UBE2E2: variants seen among roughly 807,000 people sequenced by gnomAD.
The protein encoded by UBE2E2 is ubiquitin-conjugating enzyme E2 E2.
Under a neutral mutation model 24.7 loss-of-function variants are expected in UBE2E2, and 6 were observed. The ratio of observed to expected loss-of-function variants is 0.24; its 90% CI spans 0.13 to 0.48. UBE2E2 has a LOEUF of 0.48. Among genes scored for constraint, UBE2E2 ranks in the 20% least tolerant of loss-of-function variants. The pLI is 0.99. For missense variants in UBE2E2, 169 were observed against 245.0 expected, an observed-to-expected ratio of 0.69 and a Z score of 2.07; for synonymous variants, 104 against 83.6, an observed-to-expected ratio of 1.24 and a Z score of -1.33.
At chr3:23,459,212 G>A (rs562703420) in intron 3 of UBE2E2, among the ~76,000 whole-genome samples, 1 of 152,248 alleles carries the variant, frequency 6.6e-6, no homozygotes, top group Middle Eastern at 3.4e-3. Context: ...TTCTATAAGG[G>A]CTACCCTTTG....
intron 3 of UBE2E2, among the ~76,000 whole-genome samples, chr3:23,372,855 G>T (rs200777075): frequency 6.6e-6 from 1 of 152,108 alleles, no homozygotes; most frequent in South Asian, 2.1e-4. Flanking sequence ...TGTTGTGCTT[G>T]TAGCTAGCCA....
At chr3:23,367,568 C>T (rs910521412) in intron 3 of UBE2E2, among the ~76,000 whole-genome samples, 2 of 152,108 alleles carry the variant, frequency 1.3e-5, no homozygotes, top group Admixed American at 1.3e-4. Context: ...TGTGCCCCTT[C>T]CCCCCATACC....
At chr3:23,239,980 T>A (rs1179550018) in intron 3 of UBE2E2, among the ~76,000 whole-genome samples, 1 of 152,202 alleles carries the variant, frequency 6.6e-6, no homozygotes, top group Non-Finnish European at 1.5e-5. Flanking sequence ...TTTTGAGGCA[T>A]GTAGGGCTCT....
intron 3 of UBE2E2, among the ~76,000 whole-genome samples, chr3:23,349,273 C>G (rs1476434626): frequency 6.6e-6 from 1 of 152,202 alleles, no homozygotes; most frequent in Non-Finnish European, 1.5e-5. Context: ...CGAATAGGAA[C>G]AGCTCCAGTC....
chr3:23,514,441 GA>G (rs1694680963), intron 4 of UBE2E2, among the ~76,000 whole-genome samples: 1 of 152,078 alleles, frequency 6.6e-6, no homozygotes, highest in Non-Finnish European at 1.5e-5. Flanking sequence ...TTGTAGTACT[GA>G]AATATTGTGC....
chr3:23,257,664 G>A (rs1319290275), intron 3 of UBE2E2, among the ~76,000 whole-genome samples: 8 of 150,558 alleles, frequency 5.3e-5, no homozygotes, highest in Admixed American at 1.3e-4. Flanking sequence ...GGCCACCATG[G>A]CTGGTTTTAC....
At chr3:23,347,268 G>T (rs1414833230) in intron 3 of UBE2E2, among the ~76,000 whole-genome samples, 2 of 152,146 alleles carry the variant, frequency 1.3e-5, no homozygotes, top group African/African-American at 4.8e-5. Context: ...GTTTATTGTG[G>T]CACTATTCGC....
intron 5 of UBE2E2, among the ~76,000 whole-genome samples, chr3:23,540,996 A>T (rs945365033): frequency 8.5e-5 from 13 of 152,252 alleles, no homozygotes; most frequent in African/African-American, 2.9e-4. Flanking sequence ...ATTTGAAATT[A>T]AAATAATGCA....
chr3:23,230,238 T>G (rs1696937818), intron 3 of UBE2E2, among the ~76,000 whole-genome samples: 1 of 152,182 alleles, frequency 6.6e-6, no homozygotes, highest in South Asian at 2.1e-4. Flanking sequence ...ATGATTGTTT[T>G]TAATACAGAC....
intron 5 of UBE2E2, among the ~76,000 whole-genome samples, chr3:23,582,860 A>AGT (rs58053821): frequency 0.07 from 8,116 of 116,712 alleles, 234 homozygotes; most frequent in African/African-American, 0.078. Flanking sequence ...TATTCTGTTG[A>AGT]GTGTGTGTGT....
intron 5 of UBE2E2, among the ~76,000 whole-genome samples, chr3:23,559,311 T>A (rs925802592): frequency 7.2e-5 from 11 of 152,270 alleles, no homozygotes; most frequent in Non-Finnish European, 1.3e-4. Context: ...AATCTCAAAG[T>A]GTCACTGGGC....
At chr3:23,525,580 G>A (rs1694976051) in intron 4 of UBE2E2, among the ~76,000 whole-genome samples, 1 of 152,212 alleles carries the variant, frequency 6.6e-6, no homozygotes. Flanking sequence ...ATTGAGAAAA[G>A]GTGGCTACCA....
chr3:23,563,167 G>A (rs1448981629), intron 5 of UBE2E2, among the ~76,000 whole-genome samples: 5 of 152,156 alleles, frequency 3.3e-5, no homozygotes, highest in Non-Finnish European at 7.3e-5. Context: ...ATGTTAGGGT[G>A]TCAATTTTAG....
intron 3 of UBE2E2, among the ~76,000 whole-genome samples, chr3:23,459,493 A>C (rs1698760869): frequency 6.6e-6 from 1 of 152,234 alleles, no homozygotes; most frequent in Non-Finnish European, 1.5e-5. Flanking sequence ...GTGAGTAGTA[A>C]CAGGACCATA....
In UBE2E2 at chr3:23,474,996, A is replaced by G. The variant is rs766979959; in HGVS notation, c.228-24612A>G. 6.6e-6 allele frequency among the ~76,000 whole-genome samples: 1 copy of G among 152,110 alleles called. No individual in the cohort carries two copies. The highest frequency in any genetic ancestry group is 1.9e-4 in the East Asian group (1 of 5,196). On this transcript the variant is annotated intron_variant, in intron 3 of 5. Coordinates refer to ENST00000396703, the MANE Select transcript of UBE2E2 (RefSeq NM_152653.4). The surrounding 1 kb of genome is among the most constrained non-coding windows in gnomAD (Gnocchi z 4.0). ...CAAAGTCACCAACTGCATTTTGCTG[A>G]AAGTGATAGAACTTTCTCCATGTTT...
At chr3:23,281,644 AAAG>A (rs957269429) in intron 3 of UBE2E2, among the ~76,000 whole-genome samples, 12 of 152,318 alleles carry the variant, frequency 7.9e-5, no homozygotes, top group African/African-American at 2.6e-4. Flanking sequence ...TCTGTTTAAA[AAAG>A]AAGGAGAAGG....
chr3:23,360,815 C>T (rs1036653099), intron 3 of UBE2E2, among the ~76,000 whole-genome samples: 2 of 151,850 alleles, frequency 1.3e-5, no homozygotes, highest in African/African-American at 2.4e-5. Context: ...CAAGAAATTT[C>T]TTTATAATTT....
intron 3 of UBE2E2, among the ~76,000 whole-genome samples, chr3:23,402,343 A>ACTT (rs2125372620): frequency 6.6e-6 from 1 of 152,336 alleles, no homozygotes; most frequent in Admixed American, 6.5e-5. Context: ...AGTCACTAGT[A>ACTT]CTTCAGGAGA....
At chr3:23,321,640 A>G (rs754460363) in intron 3 of UBE2E2, among the ~76,000 whole-genome samples, 1 of 148,542 alleles carries the variant, frequency 6.7e-6, no homozygotes, top group Admixed American at 6.8e-5. Context: ...TTGTGGGGGA[A>G]TGGGGGTAGT....
Sources: allele counts gnomAD v4.1 joint callset (sites outside exome capture counted in the v4.1 genomes callset), GRCh38; gene constraint gnomAD v4.1.1; non-coding constraint Gnocchi (gnomAD v3.1); transcripts MANE v1.5; gene names NCBI Gene and HGNC (gene_info 2026-07-23, HGNC 2026-07-21).